INPP5A: variants seen among roughly 807,000 people sequenced by gnomAD.
INPP5A encodes the protein inositol polyphosphate-5-phosphatase A.
Under a neutral mutation model 65.2 loss-of-function variants are expected in INPP5A, and 14 were observed. The ratio of observed to expected loss-of-function variants is 0.21; its 90% CI spans 0.14 to 0.34. The LOEUF is 0.34. INPP5A is among the 10% of genes least tolerant of loss of function. The pLI, the probability that INPP5A is intolerant of heterozygous loss-of-function variation, is 1.00. For synonymous variants in INPP5A, 207 were observed against 208.3 expected (o/e 0.99, Z 0.05); for missense variants, 431 against 545.6 (o/e 0.79, Z 2.09).
chr10:132,653,445 C>T lies in INPP5A; in HGVS notation c.306+2940C>T, dbSNP rs112403121. 7.3e-4 allele frequency among the ~76,000 whole-genome samples: 111 copies of T among 152,180 alleles called. 1 individual carries two copies. Among genetic ancestry groups the T allele is most frequent in the African/African-American group, 2.4e-3 (98 of 41,550 alleles). On this transcript the variant is annotated intron_variant, in intron 4 of 15. Transcript: ENST00000368594. ...TATCTGGGCATCTGCACCTGGCTGCCGGGCACAGGCCGTGCCAGGCCTGTA... is the reference window on the plus strand; with the variant it reads ...TATCTGGGCATCTGCACCTGGCTGCTGGGCACAGGCCGTGCCAGGCCTGTA...
intron 4 of INPP5A, among the ~76,000 whole-genome samples, chr10:132,665,038 C>T (rs966836950): frequency 2.6e-5 from 4 of 152,200 alleles, no homozygotes; most frequent in African/African-American, 7.2e-5. Flanking sequence ...GGCCTGGCAG[C>T]GCCCCGCCTG....
At chr10:132,740,797 G>T (rs964275526) in intron 9 of INPP5A, among the ~76,000 whole-genome samples, 1 of 152,160 alleles carries the variant, frequency 6.6e-6, no homozygotes, top group African/African-American at 2.4e-5. Context: ...CCGTGCCTTT[G>T]GTCAGTTTTC....
intron 4 of INPP5A, among the ~76,000 whole-genome samples, chr10:132,672,383 C>T (rs1393402770): frequency 6.6e-6 from 1 of 152,144 alleles, no homozygotes; most frequent in African/African-American, 2.4e-5. Flanking sequence ...CTTGAATTCC[C>T]ACATGTTATG....
chr10:132,668,647 CAAATT>C (rs1201451352), intron 4 of INPP5A, among the ~76,000 whole-genome samples: 4 of 152,186 alleles, frequency 2.6e-5, no homozygotes, highest in South Asian at 2.1e-4. Context: ...TATTTCTCCT[CAAATT>C]AAACATGAAT....
Position 132,741,841 on chromosome 10 carries a change from TG to T in INPP5A, c.733-7675del, listed in dbSNP as rs2134619815. Reference sequence around the variant, plus strand: ...GTGGACGTTGGCGTCCGCGTCTGCTTGCTTTACTCCATAGCTGATATAAACT... The same window carrying T: ...GTGGACGTTGGCGTCCGCGTCTGCTTCTTTACTCCATAGCTGATATAAACT... On this transcript the variant is annotated intron_variant, in intron 9 of 15. Transcript: ENST00000368594. The surrounding 1 kb of genome is among the most constrained non-coding windows in gnomAD (Gnocchi z 4.4). 6.6e-6 allele frequency among the ~76,000 whole-genome samples: 1 copy of T among 152,238 alleles called. No individual in the cohort carries two copies. Among genetic ancestry groups the T allele is most frequent in the South Asian group, 2.1e-4 (1 of 4,816 alleles).
chr10:132,756,045 T>C (rs1222641458), intron 11 of INPP5A, among the ~76,000 whole-genome samples: 2 of 152,188 alleles, frequency 1.3e-5, no homozygotes, highest in South Asian at 2.1e-4. Context: ...GAGCTGCTCA[T>C]AGGGACCCCA....
intron 4 of INPP5A, among the ~76,000 whole-genome samples, chr10:132,654,594 C>T (rs1400026990): frequency 6.6e-6 from 1 of 152,236 alleles, no homozygotes; most frequent in Non-Finnish European, 1.5e-5. Flanking sequence ...CAATCACCCT[C>T]CTGCCCCAGC....
chr10:132,744,898 A>G (rs1407478322), intron 9 of INPP5A, among the ~76,000 whole-genome samples: 1 of 152,190 alleles, frequency 6.6e-6, no homozygotes, highest in Non-Finnish European at 1.5e-5. Context: ...CATGTTAGAC[A>G]TGCCGCCACA....
chr10:132,607,154 C>T (rs1199320803), intron 1 of INPP5A, among the ~76,000 whole-genome samples: 1 of 152,210 alleles, frequency 6.6e-6, no homozygotes, highest in Non-Finnish European at 1.5e-5. Flanking sequence ...AGCCAGGTGG[C>T]CTGGGGCTCA....
intron 8 of INPP5A, among the ~76,000 whole-genome samples, chr10:132,719,156 G>A (rs562932646): frequency 7.0e-5 from 10 of 141,880 alleles, no homozygotes; most frequent in African/African-American, 1.8e-4. Flanking sequence ...CTGTCTGGGT[G>A]CCTTAGACGG....
Position 132,674,499 on chromosome 10 carries a change from CCT to C in INPP5A, c.307-15890_307-15889del, listed in dbSNP as rs1342500948. Reference sequence around the variant, plus strand: ...GTGAACCAGGCCCCGGTCTTCTCTTCCTCTGTCAGCTGATCATAGGGAACTTC... The same window carrying C: ...GTGAACCAGGCCCCGGTCTTCTCTTCCTGTCAGCTGATCATAGGGAACTTC... On this transcript the variant is annotated intron_variant, in intron 4 of 15. Transcript: ENST00000368594. This position sits in a 1 kb window ranked among gnomAD's most constrained non-coding sequence, Gnocchi z 4.4. Among the ~76,000 whole-genome samples the C allele has an allele frequency of 6.6e-6, 1 of 152,220 alleles. No homozygotes were observed. The highest frequency in any genetic ancestry group is 1.5e-5 in the Non-Finnish European group (1 of 68,036).
Position 132,762,703 on chromosome 10 carries a change from C to T in INPP5A, c.904-3070C>T, listed in dbSNP as rs548066693. On this transcript the variant is annotated intron_variant, in intron 11 of 15. Transcript: ENST00000368594. The surrounding 1 kb of genome is among the most constrained non-coding windows in gnomAD (Gnocchi z 4.6). Reference sequence around the variant, plus strand: ...CTGCTTTTTGTGGACTCATGCATGGCGGTAATATAGAAACATACTTGGGGC... The same window carrying T: ...CTGCTTTTTGTGGACTCATGCATGGTGGTAATATAGAAACATACTTGGGGC... 1.2e-4 allele frequency among the ~76,000 whole-genome samples: 18 copies of T among 152,046 alleles called. No individual in the cohort carries two copies. Among genetic ancestry groups the T allele is most frequent in the Non-Finnish European group, 1.8e-4 (12 of 68,014 alleles).
chr10:132,770,905 G>A (rs1846936911), intron 12 of INPP5A, among the ~76,000 whole-genome samples: 1 of 152,180 alleles, frequency 6.6e-6, no homozygotes. Flanking sequence ...GAGCTCAAGG[G>A]AGGGGTCTCT....
intron 1 of INPP5A, among the ~76,000 whole-genome samples, chr10:132,561,002 C>T (rs2071197009): frequency 6.7e-6 from 1 of 148,738 alleles, no homozygotes; most frequent in Admixed American, 6.7e-5. Context: ...CAAATGTTTT[C>T]TCTTGTTCTG....
At chr10:132,730,166 C>T (rs1029644007) in intron 9 of INPP5A, among the ~76,000 whole-genome samples, 2 of 152,262 alleles carry the variant, frequency 1.3e-5, no homozygotes, top group African/African-American at 2.4e-5. Flanking sequence ...AGCCTGGGTC[C>T]ACCTGCCCTG....
At chr10:132,711,751 A>G (rs1055177423) in intron 8 of INPP5A, among the ~76,000 whole-genome samples, 1 of 152,204 alleles carries the variant, frequency 6.6e-6, no homozygotes, top group Admixed American at 6.5e-5. Flanking sequence ...GGACTTGTGC[A>G]GAGCAGAATA....
chr10:132,774,833 GGA>G lies in INPP5A; in HGVS notation c.978-2832_978-2831del, dbSNP rs1432754831. Among the ~76,000 whole-genome samples, 40 of 124,704 alleles carry G rather than the reference GGA, an allele frequency of 3.2e-4. 1 individual carries two copies. Among genetic ancestry groups the G allele is most frequent in the African/African-American group, 1.1e-3 (36 of 32,964 alleles). The allele number at this position is 124,704 out of a possible 152,430, so 81.8% of individuals were successfully genotyped here. On this transcript the variant is annotated intron_variant, in intron 12 of 15. Transcript: ENST00000368594. ...GGCAGGGAGGAGAGAGGGGCACGGA[GGA>G]GAGAGGGGTAGGGAGAGACGGGCAG...
Position 132,740,434 on chromosome 10 carries a change from G to A in INPP5A, c.733-9083G>A, listed in dbSNP as rs139109091. ...CGTTGGTGTAGTGGCGCGGCATCCG[G>A]GAGCACAGATTTATATTCACGTTCA... On this transcript the variant is annotated intron_variant, in intron 9 of 15. Transcript: ENST00000368594. Among the ~76,000 whole-genome samples, 366 of 152,216 alleles carry A rather than the reference G, an allele frequency of 2.4e-3. 2 individuals are homozygous for A. The highest frequency in any genetic ancestry group is 8.4e-3 in the African/African-American group (348 of 41,502).
rs2073005652 is a variant in INPP5A, at chr10:132,678,871, G to T, written c.307-11521G>T. 6.6e-6 allele frequency among the ~76,000 whole-genome samples: 1 copy of T among 152,212 alleles called. No individual in the cohort carries two copies. Among genetic ancestry groups the T allele is most frequent in the Admixed American group, 6.5e-5 (1 of 15,290 alleles). ...TTCCACAGAGACCTGAAGCAGCAGGGGGTCCATGTGAGAAGCTGGAAAAGG... is the reference window on the plus strand; with the variant it reads ...TTCCACAGAGACCTGAAGCAGCAGGTGGTCCATGTGAGAAGCTGGAAAAGG... On this transcript the variant is annotated intron_variant, in intron 4 of 15. Transcript: ENST00000368594. This position sits in a 1 kb window ranked among gnomAD's most constrained non-coding sequence, Gnocchi z 4.1.
Sources: gnomAD v4.1 joint callset for allele counts (sites outside exome capture counted in the v4.1 genomes callset) on GRCh38, gnomAD v4.1.1 for gene constraint, Gnocchi (gnomAD v3.1) non-coding constraint, MANE v1.5 for transcripts, NCBI Gene and HGNC (gene_info 2026-07-23, HGNC 2026-07-21) for gene names.